Variants in ATF7IP2 observed in about 807,000 individuals in gnomAD.
ATF7IP2 encodes activating transcription factor 7-interacting protein 2.
A neutral mutation model predicts 64.2 loss-of-function variants in ATF7IP2; 42 were observed. The observed-to-expected ratio is 0.65, with a 90% CI of 0.51 to 0.85. ATF7IP2 has a LOEUF of 0.85. Ranked by LOEUF, ATF7IP2 falls within the 40% of genes least tolerant of loss-of-function variation. ATF7IP2 has a pLI of 0.00. For missense variants in ATF7IP2, 933 were observed against 784.2 expected (o/e 1.19, Z -2.27); for synonymous variants, 308 against 272.8 (o/e 1.13, Z -1.27).
intron 2 of ATF7IP2, among the ~76,000 whole-genome samples, chr16:10,415,349 A>G (rs1016652436): frequency 3.3e-5 from 5 of 152,228 alleles, no homozygotes; most frequent in African/African-American, 4.8e-5. Context: ...CTCATGTTTG[A>G]CAAAGATGTC....
intron 1 of ATF7IP2, among the ~76,000 whole-genome samples, chr16:10,401,527 C>T (rs1171396501): frequency 6.6e-6 from 1 of 152,056 alleles, no homozygotes; most frequent in African/African-American, 2.4e-5. Context: ...AGGATTATTT[C>T]ATTTATGTTT....
rs540279741 is a variant in ATF7IP2 at position 10,398,618 on chromosome 16, C to A, written c.-242+12496C>A. 2.0e-5 allele frequency among the ~76,000 whole-genome samples: 3 copies of A among 152,194 alleles called. No homozygotes were observed. The East Asian group carries it at 5.8e-4, about 29-fold the overall frequency. On this transcript the variant is annotated intron_variant, in intron 1 of 13. Coordinates refer to ENST00000562102, the MANE Select transcript of ATF7IP2 (RefSeq NM_001393719.1). ...ATGTATATGATGGAATACCATTTTG[C>A]CTGTCATTTGCAAGAACATGAATAA...
intron 9 of ATF7IP2, among the ~76,000 whole-genome samples, chr16:10,468,471 T>C (rs535505883): frequency 3.9e-5 from 6 of 152,274 alleles, no homozygotes; most frequent in South Asian, 2.1e-4. Flanking sequence ...AGGATCATGA[T>C]TGGGAAAACA....
At chr16:10,410,196 A>G (rs1010593874) in intron 1 of ATF7IP2, among the ~76,000 whole-genome samples, 2 of 152,070 alleles carry the variant, frequency 1.3e-5, no homozygotes, top group Non-Finnish European at 2.9e-5. Flanking sequence ...GTCTCTACCC[A>G]TCCGTGAGCA....
chr16:10,482,421 G>A lies in ATF7IP2; in HGVS notation c.*172G>A. The A allele has an allele frequency of 1.8e-6, 1 of 544,078 alleles. No homozygotes were observed. 33.7% of individuals were successfully genotyped at this position (544,078 alleles called of 1,614,324 possible). A position where few individuals can be genotyped will look rare whatever the true frequency, so the allele number is the denominator to read the frequency against. ...CAGTAATTTAATGAATTTCTGGTTT[G>A]TATTAAATATGTCCTTCCAATGGAT... On this transcript the variant is annotated 3_prime_UTR_variant, in exon 14 of 14. Coordinates refer to ENST00000562102, the MANE Select transcript of ATF7IP2 (RefSeq NM_001393719.1).
At chr16:10,457,749 C>T (rs2049230896) in intron 9 of ATF7IP2, 1 of 357,812 alleles carries the variant, frequency 2.8e-6, no homozygotes, top group African/African-American at 2.2e-5. Context: ...CTTTGTTGTC[C>T]AGGCTGGAGT....
chr16:10,433,642 T>C lies in ATF7IP2; in HGVS notation c.953T>C (p.Leu318Pro), dbSNP rs2048327401. 6.2e-7 allele frequency: 1 copy of C among 1,613,300 alleles called. No homozygotes were observed. The highest frequency in any genetic ancestry group is 1.7e-5 in the Admixed American group (1 of 59,840). ...CVSLERQTAF[L>P]EQVRHLIQQE... ...AGTTTGGAAAGGCAAACAGCATTCC[T>C]GGAACAGGTAAAATATTGGGGCTTA... Residue 318 changes from leucine (L) to proline (P), a missense_variant, in exon 6 of 14, where the codon CTG becomes CCG. Leu to Pro is a moderately conservative substitution (Grantham distance 98). Transcript: ENST00000562102.
intron 8 of ATF7IP2, among the ~76,000 whole-genome samples, chr16:10,443,217 A>G (rs1319006829): frequency 6.6e-6 from 1 of 152,222 alleles, no homozygotes; most frequent in Admixed American, 6.5e-5. Flanking sequence ...GCTTAAGCTC[A>G]CTGCATCCCT....
chr16:10,482,223 C>G lies in ATF7IP2; in HGVS notation c.2023C>G (p.Pro675Ala). 2 of 1,586,554 alleles carry G rather than the reference C, an allele frequency of 1.3e-6. No homozygotes were observed. The highest frequency in any genetic ancestry group is 1.7e-6 in the Non-Finnish European group (2 of 1,170,378). ...ACCATTCTGTGATATAAAATCTATCCCTGGGTTTTCTGAAAATCTTACGTA... is the reference window on the plus strand; with the variant it reads ...ACCATTCTGTGATATAAAATCTATCGCTGGGTTTTCTGAAAATCTTACGTA... ...YGPFCDIKSI[P>A]GFSENLT The change falls in exon 14 of 14, where the codon CCT (proline) becomes GCT (alanine). Residue 675 changes from proline to alanine, a missense_variant. Pro to Ala is a conservative substitution (Grantham distance 27). Coordinates refer to ENST00000562102, the MANE Select transcript of ATF7IP2 (RefSeq NM_001393719.1).
chr16:10,392,713 C>G (rs1164662567), intron 1 of ATF7IP2, among the ~76,000 whole-genome samples: 1 of 151,918 alleles, frequency 6.6e-6, no homozygotes, highest in Non-Finnish European at 1.5e-5. Flanking sequence ...ATAGGCCAGG[C>G]ACAGGCCCAT....
In ATF7IP2 at chr16:10,473,912, A is replaced by C. The variant is rs1261394336; in HGVS notation, c.1483-11A>C. 1.8e-6 allele frequency: 2 copies of C among 1,130,586 alleles called. No individual in the cohort carries two copies. The highest frequency in any genetic ancestry group is 3.2e-5 in the Admixed American group (1 of 31,160). 70.0% of individuals were successfully genotyped at this position (1,130,586 alleles called of 1,614,324 possible). A position where few individuals can be genotyped will look rare whatever the true frequency, so the allele number is the denominator to read the frequency against. On this transcript the variant is annotated splice_polypyrimidine_tract_variant and intron_variant, in intron 11 of 13. Coordinates refer to ENST00000562102, the MANE Select transcript of ATF7IP2 (RefSeq NM_001393719.1). ...GGCAAAGCTTTTTTTTTTTTTTTAC[A>C]ATTTTTTTAGGCTGTACAGAAGAAA...
intron 1 of ATF7IP2, among the ~76,000 whole-genome samples, chr16:10,404,665 CCAG>C (rs1273782694): frequency 6.6e-6 from 1 of 152,068 alleles, no homozygotes; most frequent in Non-Finnish European, 1.5e-5. Flanking sequence ...GCCACTGCCT[CCAG>C]CTGGGACTAC....
intron 8 of ATF7IP2, among the ~76,000 whole-genome samples, chr16:10,454,881 C>A (rs1029202965): frequency 6.6e-6 from 1 of 152,270 alleles, no homozygotes; most frequent in Admixed American, 6.5e-5. Flanking sequence ...TTTGTGACTT[C>A]TAGGTATTTT....
At chr16:10,470,926 G>C (rs1025300074) in intron 9 of ATF7IP2, among the ~76,000 whole-genome samples, 2 of 151,780 alleles carry the variant, frequency 1.3e-5, no homozygotes, top group East Asian at 1.9e-4. Flanking sequence ...TGTTGGGAAA[G>C]AAAGTTAGAA....
intron 9 of ATF7IP2, 105 bp downstream of exon 9, chr16:10,457,634 C>G (rs1427741390): frequency 1.1e-6 from 1 of 888,612 alleles, no homozygotes; most frequent in East Asian, 2.9e-5. Context: ...TCTTAACATT[C>G]ACTCTTAAAA....
At position 10,398,349 on chromosome 16, in the gene ATF7IP2, A is replaced by G. The variant is rs545326505; in HGVS notation, c.-242+12227A>G. Reference sequence around the variant, plus strand: ...AAATAACAAATGTTGGCAAAGATGTAGAGAAAAGGGAACTCTTGCACACAG... The same window carrying G: ...AAATAACAAATGTTGGCAAAGATGTGGAGAAAAGGGAACTCTTGCACACAG... On this transcript the variant is annotated intron_variant, in intron 1 of 13. Coordinates refer to ENST00000562102, the MANE Select transcript of ATF7IP2 (RefSeq NM_001393719.1). Among the ~76,000 whole-genome samples the G allele has an allele frequency of 3.9e-5, 6 of 152,216 alleles. No homozygotes were observed. In the East Asian group the frequency reaches 1.2e-3, roughly 29 times the overall value.
chr16:10,428,000 GTACATA>G (rs1409558147), intron 3 of ATF7IP2, among the ~76,000 whole-genome samples: 1 of 152,108 alleles, frequency 6.6e-6, no homozygotes, highest in African/African-American at 2.4e-5. Context: ...GATGAATTTT[GTACATA>G]TACATAACTG....
intron 7 of ATF7IP2, among the ~76,000 whole-genome samples, chr16:10,438,787 G>C (rs545434892): frequency 1.3e-5 from 2 of 152,270 alleles, no homozygotes; most frequent in African/African-American, 4.8e-5. Context: ...AGGCGCGATG[G>C]CTCATGCCTG....
intron 1 of ATF7IP2, among the ~76,000 whole-genome samples, chr16:10,407,818 G>C (rs534750584): frequency 6.6e-6 from 1 of 151,918 alleles, no homozygotes; most frequent in East Asian, 1.9e-4. Flanking sequence ...ATAGTTCATT[G>C]TATCATTCTT....
Sources: allele counts gnomAD v4.1 joint callset (sites outside exome capture counted in the v4.1 genomes callset), GRCh38; gene constraint gnomAD v4.1.1; transcripts MANE v1.5; gene names NCBI Gene and HGNC (gene_info 2026-07-23, HGNC 2026-07-21).